The following NCOA1 variants were observed in gnomAD, a reference collection of about 807,000 sequenced individuals.
NCOA1 encodes nuclear receptor coactivator 1, also known as Hin-2 protein.
NCOA1 carries 35 observed loss-of-function variants against 150.9 expected under a neutral mutation model. That is an observed-to-expected ratio of 0.23 (90% confidence interval 0.18 to 0.31). The LOEUF is 0.31. Ranked by LOEUF, NCOA1 falls within the 10% of genes least tolerant of loss-of-function variation. NCOA1 has a pLI of 1.00. For synonymous variants in NCOA1, 590 were observed against 630.0 expected, an observed-to-expected ratio of 0.94 and a Z score of 0.95; for missense variants, 1,491 against 1,749.3, an observed-to-expected ratio of 0.85 and a Z score of 2.63.
intron 1 of NCOA1, among the ~76,000 whole-genome samples, chr2:24,499,090 C>T (rs1380679811): frequency 6.6e-6 from 1 of 152,150 alleles, no homozygotes; most frequent in African/African-American, 2.4e-5. Flanking sequence ...TTGCATGATA[C>T]TTGCCCAAGA....
chr2:24,493,510 C>A (rs1663068119), intron 1 of NCOA1, among the ~76,000 whole-genome samples: 1 of 151,960 alleles, frequency 6.6e-6, no homozygotes, highest in Non-Finnish European at 1.5e-5. Context: ...TTCCTTATTT[C>A]TCTCAGAAAA....
chr2:24,627,054 A>T (rs905013452), intron 3 of NCOA1, among the ~76,000 whole-genome samples: 1 of 151,972 alleles, frequency 6.6e-6, no homozygotes, highest in African/African-American at 2.4e-5. Flanking sequence ...AATAAAAAGC[A>T]AATGTTTTAT....
chr2:24,715,505 G>A (rs1158098488), intron 14 of NCOA1, among the ~76,000 whole-genome samples: 7 of 152,070 alleles, frequency 4.6e-5, no homozygotes, highest in African/African-American at 1.7e-4. Context: ...AAATCCTAAA[G>A]AAGTGAGAGG....
In NCOA1 at chr2:24,767,370, A is replaced by G. The variant is rs56087137; in HGVS notation, c.4156-851A>G. ...TCTCCATTCCTGGTCTGGAACATTC[A>G]CAAGTGTGGTATTGGCCCTAATCAG... On this transcript the variant is annotated intron_variant, in intron 22 of 22. Coordinates refer to ENST00000348332, the MANE Select transcript of NCOA1 (RefSeq NM_003743.5). Among the ~76,000 whole-genome samples the G allele has an allele frequency of 6.3e-3, 963 of 152,346 alleles. 16 individuals carry two copies. The highest frequency in any genetic ancestry group is 0.022 in the African/African-American group (903 of 41,566).
At chr2:24,708,102 A>G (rs1472224957) in intron 13 of NCOA1, among the ~76,000 whole-genome samples, 1 of 152,190 alleles carries the variant, frequency 6.6e-6, no homozygotes, top group Non-Finnish European at 1.5e-5. Context: ...CAGAATTATA[A>G]AAAAGGAAAT....
chr2:24,665,835 G>A lies in NCOA1; in HGVS notation c.176G>A (p.Ser59Asn). The A allele has an allele frequency of 6.2e-7, 1 of 1,605,928 alleles. No homozygotes were observed. The highest frequency in any genetic ancestry group is 8.5e-7 in the Non-Finnish European group (1 of 1,175,826). The change falls in exon 6 of 23, where the codon AGC (serine) becomes AAC (asparagine). Residue 59 changes from serine to asparagine, a missense_variant. Around this residue, in one of 8 missense-constraint regions of NCOA1, gnomAD observed 80 missense variants for 163.0 expected, o/e 0.49. Coordinates refer to ENST00000348332, the MANE Select transcript of NCOA1 (RefSeq NM_003743.5). ...LLSANISDID[S>N]LSVKPDKCKI... The stretch of plus-strand genomic sequence containing the variant: ...TCTGCCAACATTAGTGACATTGACA[G>A]CTTGAGTGTAAAACCAGACAAATGC...
rs914710999 is a variant in NCOA1 at position 24,627,111 on chromosome 2, G to GT, written c.-174-16849dup. 9.3e-5 allele frequency among the ~76,000 whole-genome samples: 10 copies of GT among 107,476 alleles called. No homozygotes were observed. The South Asian group carries it at 2.4e-3, about 26-fold the overall frequency. The allele number at this position is 107,476 out of a possible 152,430, so 70.5% of individuals were successfully genotyped here. ...ACTAATGTTTAATACCTGTTTTTTT[G>GT]TTTTTTGCTGTTTTTTTTTTTTTTT... On this transcript the variant is annotated intron_variant, in intron 3 of 22. Coordinates refer to ENST00000348332, the MANE Select transcript of NCOA1 (RefSeq NM_003743.5).
chr2:24,629,080 A>C (rs1669558911), intron 3 of NCOA1, among the ~76,000 whole-genome samples: 1 of 152,092 alleles, frequency 6.6e-6, no homozygotes, highest in African/African-American at 2.4e-5. Context: ...AATGGGTATA[A>C]AGGTACCTTT....
At chr2:24,646,033 C>G (rs1316986539) in intron 4 of NCOA1, among the ~76,000 whole-genome samples, 1 of 152,152 alleles carries the variant, frequency 6.6e-6, no homozygotes, top group Non-Finnish European at 1.5e-5. Flanking sequence ...AATGCAGTGA[C>G]TGAACATTAG....
chr2:24,568,984 CTTT>C (rs1666623488), intron 2 of NCOA1, among the ~76,000 whole-genome samples: 1 of 152,090 alleles, frequency 6.6e-6, no homozygotes, highest in Non-Finnish European at 1.5e-5. Context: ...AGAAAAGCTT[CTTT>C]GTTTCCTTCT....
intron 3 of NCOA1, among the ~76,000 whole-genome samples, chr2:24,591,282 A>G (rs113303855): frequency 9.2e-5 from 14 of 152,332 alleles, no homozygotes; most frequent in South Asian, 2.1e-4. Context: ...AATAATGTCA[A>G]CTGGACATGT....
intron 1 of NCOA1, among the ~76,000 whole-genome samples, chr2:24,542,673 C>T (rs1572400464): frequency 2.6e-5 from 4 of 152,082 alleles, no homozygotes; most frequent in South Asian, 4.2e-4. Flanking sequence ...TCTGCAAGTT[C>T]GTAAGAGGAG....
intron 1 of NCOA1, among the ~76,000 whole-genome samples, chr2:24,504,025 G>C (rs1663587241): frequency 6.6e-6 from 1 of 152,060 alleles, no homozygotes; most frequent in South Asian, 2.1e-4. Context: ...GTGAGCCACT[G>C]CGCCTGGCTA....
At chr2:24,739,359 T>G (rs1572665791) in intron 17 of NCOA1, 73 bp from the exon 18 acceptor site, 4 of 1,062,452 alleles carry the variant, frequency 3.8e-6, no homozygotes, top group African/African-American at 3.2e-5. Context: ...CAATAGAAAG[T>G]TTGTGTTACT....
At chr2:24,612,642 C>G (rs535168970) in intron 3 of NCOA1, among the ~76,000 whole-genome samples, 3 of 152,016 alleles carry the variant, frequency 2.0e-5, no homozygotes, top group Non-Finnish European at 2.9e-5. Flanking sequence ...GGGCAGTCTT[C>G]AAGCTCTGAA....
intron 17 of NCOA1, among the ~76,000 whole-genome samples, chr2:24,734,983 G>T (rs780547841): frequency 6.6e-6 from 1 of 152,098 alleles, no homozygotes; most frequent in Non-Finnish European, 1.5e-5. Context: ...AAAGAATGGC[G>T]TGCATCATAA....
chr2:24,603,291 A>G (rs55808840), intron 3 of NCOA1, among the ~76,000 whole-genome samples: 8,134 of 152,310 alleles, frequency 0.053, 297 homozygotes, highest in East Asian at 0.19. Flanking sequence ...TCTTACCTCA[A>G]TGTTGATGGT....
rs70947837 is a variant in NCOA1, at chr2:24,690,651, C to CAAAAAAAAAA, written c.533-812_533-803dup. 3.1e-4 allele frequency among the ~76,000 whole-genome samples: 12 copies of CAAAAAAAAAA among 38,442 alleles called. 1 individual carries two copies. Among genetic ancestry groups the CAAAAAAAAAA allele is most frequent in the East Asian group, 2.0e-3 (2 of 1,010 alleles). The allele number at this position is 38,442 out of a possible 152,430, so 25.2% of individuals were successfully genotyped here. ...TGGGTGACAAAGTGAGATTCCATCTCAAAAAAAAAAAAAAAAAAAAAAAAA... is the reference window on the plus strand; with the variant it reads ...TGGGTGACAAAGTGAGATTCCATCTCAAAAAAAAAAAAAAAAAAAAAAAAAAAAAAAAAAA... On this transcript the variant is annotated intron_variant, in intron 8 of 22. Coordinates refer to ENST00000348332, the MANE Select transcript of NCOA1 (RefSeq NM_003743.5).
chr2:24,515,176 G>A (rs994664434), intron 1 of NCOA1, among the ~76,000 whole-genome samples: 1 of 152,044 alleles, frequency 6.6e-6, no homozygotes, highest in Non-Finnish European at 1.5e-5. Context: ...TACTAAAGGT[G>A]CATTTAGGAA....
Sources: gnomAD v4.1 joint callset for allele counts (sites outside exome capture counted in the v4.1 genomes callset) on GRCh38, gnomAD v4.1.1 for gene constraint, gnomAD v4.1.1 regional missense constraint, MANE v1.5 for transcripts, NCBI Gene and HGNC (gene_info 2026-07-23, HGNC 2026-07-21) for gene names.